PIGZ: variants seen among roughly 807,000 people sequenced by gnomAD.
PIGZ encodes phosphatidylinositol glycan anchor biosynthesis class Z (Gwada blood group), also known as GPI alpha-1,2-mannosyltransferase 4.
PIGZ carries 16 observed loss-of-function variants against 16.4 expected under a neutral mutation model. The observed-to-expected ratio is 0.97, with a 90% CI of 0.66 to 1.48. PIGZ has a LOEUF of 1.48. PIGZ is among the 40% of genes most tolerant of loss of function. PIGZ has a pLI of 0.00. For synonymous variants in PIGZ, 409 were observed against 338.4 expected (o/e 1.21, Z -2.29); for missense variants, 770 against 739.2 (o/e 1.04, Z -0.48).
rs1235389073 is a variant in PIGZ, at chr3:196,948,004, T to G, written c.893A>C (p.His298Pro). The G allele has an allele frequency of 6.2e-7, 1 of 1,600,578 alleles. No individual in the cohort carries two copies. The highest frequency in any genetic ancestry group is 8.5e-7 in the Non-Finnish European group (1 of 1,171,108). The change falls in exon 3 of 3, where the codon CAC becomes CCC. Residue 298 changes from histidine to proline, a missense_variant. By Grantham distance (77) the His-to-Pro change is moderately conservative. Transcript: ENST00000412723. ...NLVLTPVNFL[H>P]YNLNPQNLAR... ...CAGGTTTTGGGGATTCAGGTTGTAG[T>G]GCAAGAAGTTGACAGGTGTCAGGAC...
At chr3:196,960,860 CTG>C (rs1717695277) in intron 1 of PIGZ, among the ~76,000 whole-genome samples, 1 of 152,060 alleles carries the variant, frequency 6.6e-6, no homozygotes, top group Admixed American at 6.6e-5. Context: ...AAAACCAAAA[CTG>C]AAAGTTCTTC....
chr3:196,964,798 A>C (rs1004122397), intron 1 of PIGZ, among the ~76,000 whole-genome samples: 5 of 152,118 alleles, frequency 3.3e-5, no homozygotes, highest in African/African-American at 1.2e-4. Context: ...GCGCAGTGGC[A>C]TGATCTCAGC....
Position 196,947,458 on chromosome 3 carries a change from GC to G in PIGZ, c.1438del (p.Ala480HisfsTer20). The G allele has an allele frequency of 6.2e-7, 1 of 1,613,626 alleles. No individual in the cohort carries two copies. On this transcript the variant is annotated frameshift_variant, in exon 3 of 3. Transcript: ENST00000412723. LOFTEE classifies it high-confidence loss of function. ...CCCCATGTCCACCACCTCCACTGGTGCCCCCAGGCCTGGGAGGTGTAGGAGG... is the reference window on the plus strand; with the variant it reads ...CCCCATGTCCACCACCTCCACTGGTGCCCCAGGCCTGGGAGGTGTAGGAGG... Reference protein sequence around the residue: ...RHLLHLPGLGAPVEVVDMGGT... With the variant: ...RHLLHLPGLGXPVEVVDMGGT...
At chr3:196,964,271 G>A (rs182653748) in intron 1 of PIGZ, among the ~76,000 whole-genome samples, 6 of 147,346 alleles carry the variant, frequency 4.1e-5, no homozygotes, top group African/African-American at 1.6e-4. Flanking sequence ...GGATGGTCTC[G>A]ATCTCCTGAC....
intron 1 of PIGZ, among the ~76,000 whole-genome samples, chr3:196,962,524 A>G (rs76347663): frequency 0.19 from 28,967 of 152,104 alleles, 3,559 homozygotes; most frequent in African/African-American, 0.35. Context: ...AGTTAAGAGG[A>G]AAGCATCTGT....
chr3:196,948,313 T>A lies in PIGZ; in HGVS notation c.584A>T (p.His195Leu). Residue 195 changes from histidine (H) to leucine (L), a missense_variant, in exon 3 of 3, where the codon CAT (histidine) becomes CTT (leucine). His to Leu is a moderately conservative substitution (Grantham distance 99). Transcript: ENST00000412723. ...CTTGCGTGTAGGGCCCCACGTTACA[T>A]GGGAGGATACCAGCACCAGCAGCCA... ...FTWLLVLVSS[H>L]VTWGPTRKEP... The A allele has an allele frequency of 6.2e-7, 1 of 1,614,008 alleles. No homozygotes were observed. Among genetic ancestry groups the A allele is most frequent in the Non-Finnish European group, 8.5e-7 (1 of 1,179,996 alleles).
rs955237479 is a variant in PIGZ, at chr3:196,953,781, G to A, written c.1-1750C>T. 6.6e-5 allele frequency among the ~76,000 whole-genome samples: 10 copies of A among 152,074 alleles called. 1 individual carries two copies. The highest frequency in any genetic ancestry group is 6.5e-4 in the Admixed American group (10 of 15,278). Reference sequence around the variant, plus strand: ...TTTGGGAGGCTGAGATGAAAGGATCGCTTGAAACCAGGAGGTCAGACCAGC... The same window carrying A: ...TTTGGGAGGCTGAGATGAAAGGATCACTTGAAACCAGGAGGTCAGACCAGC... On this transcript the variant is annotated intron_variant, in intron 1 of 2. Coordinates refer to ENST00000412723, the MANE Select transcript of PIGZ (RefSeq NM_025163.4).
chr3:196,951,902 G>A lies in PIGZ; in HGVS notation c.130C>T (p.Leu44Phe), dbSNP rs1198706719. 6.2e-7 allele frequency: 1 copy of A among 1,614,216 alleles called. No homozygotes were observed. The highest frequency in any genetic ancestry group is 1.7e-5 in the Admixed American group (1 of 60,022). Residue 44 changes from leucine (L) to phenylalanine (F), a missense_variant, in exon 2 of 3, where the codon CTC becomes TTC. Physicochemically the swap from Leu to Phe is conservative, Grantham distance 22. Transcript: ENST00000412723. ...VRVLWGGLSL[L>F]RVLWCLLPQT... ...GGAAGGAGACACCACAGCACTCGGA[G>A]CAGGCTGAGACCACCCCAAAGCACC... is the stretch of plus-strand genomic sequence containing the variant.
In PIGZ at chr3:196,947,366, C is replaced by T. The variant is rs142911383; in HGVS notation, c.1531G>A (p.Ala511Thr). The change falls in exon 3 of 3, where the codon GCT becomes ACT. Residue 511 changes from alanine to threonine, a missense_variant. Coordinates refer to ENST00000412723, the MANE Select transcript of PIGZ (RefSeq NM_025163.4). ...SFTRQPACQV[A>T]GGPWLCRLFV... is the part of the protein sequence containing the mutation. ...AGGCGGCAGAGCCATGGCCCACCAGCCACTTGGCAGGCTGGTTGTCTGGTG... is the reference window on the plus strand; with the variant it reads ...AGGCGGCAGAGCCATGGCCCACCAGTCACTTGGCAGGCTGGTTGTCTGGTG... The T allele has an allele frequency of 2.5e-3, 4,106 of 1,614,178 alleles. 44 individuals are homozygous for T. Among genetic ancestry groups the T allele is most frequent in the Non-Finnish European group, 1.6e-3 (1,861 of 1,180,040 alleles).
chr3:196,960,664 GTC>G (rs1717673357), intron 1 of PIGZ, among the ~76,000 whole-genome samples: 1 of 145,348 alleles, frequency 6.9e-6, no homozygotes, highest in Non-Finnish European at 1.5e-5. Context: ...GCAAGAACCT[GTC>G]TCAAAAAAAA....
chr3:196,956,080 G>A (rs1305994850), intron 1 of PIGZ, among the ~76,000 whole-genome samples: 1 of 151,216 alleles, frequency 6.6e-6, no homozygotes, highest in Non-Finnish European at 1.5e-5. Context: ...TTAATATTTA[G>A]TATACTATGT....
At chr3:196,948,858 C>A in intron 2 of PIGZ, among the ~76,000 whole-genome samples, 173 bp from the exon 3 acceptor site, 1 of 119,214 alleles carries the variant, frequency 8.4e-6, no homozygotes, top group African/African-American at 3.6e-5. Context: ...TCCTTCTTTC[C>A]CTTCCTTCCC....
chr3:196,963,592 A>G (rs1050586954), intron 1 of PIGZ, among the ~76,000 whole-genome samples: 12 of 152,272 alleles, frequency 7.9e-5, no homozygotes, highest in Middle Eastern at 3.2e-3. Flanking sequence ...GCTGTTGAAC[A>G]GAACTGCATC....
intron 1 of PIGZ, among the ~76,000 whole-genome samples, chr3:196,963,944 T>G (rs1464864616): frequency 6.6e-6 from 1 of 152,250 alleles, no homozygotes; most frequent in Non-Finnish European, 1.5e-5. Context: ...CCTTCTGAAA[T>G]TGCTTCTTTT....
At chr3:196,950,797 T>G (rs1717249069) in intron 2 of PIGZ, among the ~76,000 whole-genome samples, 2 of 150,394 alleles carry the variant, frequency 1.3e-5, no homozygotes, top group African/African-American at 4.9e-5. Context: ...CAGGCTGAAG[T>G]GCAGTGGCAC....
chr3:196,954,513 T>G (rs1251777153), intron 1 of PIGZ, among the ~76,000 whole-genome samples: 1 of 152,210 alleles, frequency 6.6e-6, no homozygotes, highest in Non-Finnish European at 1.5e-5. Context: ...AAACATCAAC[T>G]TTTGCCCTTG....
In PIGZ at chr3:196,952,050, G is replaced by T. The variant is rs767879743; in HGVS notation, c.1-19C>A. On this transcript the variant is annotated intron_variant, in intron 1 of 2. Coordinates refer to ENST00000412723, the MANE Select transcript of PIGZ (RefSeq NM_025163.4). ...TCTGCATCTGTTGAGGATAACAGTT[G>T]TTGGTTATCACGATGTAAATTATAA... The T allele has an allele frequency of 1.2e-6, 2 of 1,604,476 alleles. No homozygotes were observed. Among genetic ancestry groups the T allele is most frequent in the Middle Eastern group, 1.7e-4 (1 of 6,044 alleles).
In PIGZ at chr3:196,948,488, A is replaced by G. The variant is rs1282222123; in HGVS notation, c.409T>C (p.Ser137Pro). The part of the protein sequence containing the change: ...VGPRLLLTAL[S>P]FALDGAVYHL... ...TACACGGCCCCGTCCAGAGCAAAGG[A>G]AAGGGCAGTGAGGAGGAGTCGAGGC... The change falls in exon 3 of 3, where the codon TCC (serine) becomes CCC (proline). Residue 137 changes from serine (S) to proline (P), a missense_variant. Ser to Pro is a moderately conservative substitution (Grantham distance 74, BLOSUM62 -1). Coordinates refer to ENST00000412723, the MANE Select transcript of PIGZ (RefSeq NM_025163.4). The G allele has an allele frequency of 6.2e-7, 1 of 1,613,696 alleles. No individual in the cohort carries two copies. Among genetic ancestry groups the G allele is most frequent in the Admixed American group, 1.7e-5 (1 of 59,964 alleles).
chr3:196,960,512 A>T (rs1373031262), intron 1 of PIGZ, among the ~76,000 whole-genome samples: 1 of 151,952 alleles, frequency 6.6e-6, no homozygotes, highest in Non-Finnish European at 1.5e-5. Context: ...TCTCTACTAA[A>T]ATGACAAAAA....
Sources: gnomAD v4.1 joint callset for allele counts (sites outside exome capture counted in the v4.1 genomes callset) on GRCh38, gnomAD v4.1.1 for gene constraint, MANE v1.5 for transcripts, NCBI Gene and HGNC (gene_info 2026-07-23, HGNC 2026-07-21) for gene names.